TGFA: variants seen among roughly 807,000 people sequenced by gnomAD.
TGFA encodes transforming growth factor alpha, also known as protransforming growth factor alpha.
Under a neutral mutation model 21.7 loss-of-function variants are expected in TGFA, and 12 were observed. The ratio of observed to expected loss-of-function variants is 0.55; its 90% CI spans 0.35 to 0.90. The LOEUF is 0.90. Among genes scored for constraint, TGFA ranks in the 40% least tolerant of loss-of-function variants. The probability of loss-of-function intolerance (pLI) is 0.01; values close to 1 mark genes in which losing one functional copy is unlikely to be tolerated. For synonymous variants in TGFA, 79 were observed against 88.1 expected (o/e 0.90, Z 0.58); for missense variants, 178 against 210.8 (o/e 0.84, Z 0.96).
intron 2 of TGFA, among the ~76,000 whole-genome samples, chr2:70,493,984 T>C (rs1388795887): frequency 6.6e-6 from 1 of 152,240 alleles, no homozygotes; most frequent in African/African-American, 2.4e-5. Flanking sequence ...TTATCTCACA[T>C]TTCTGGATGT....
rs1415624753 is a variant in TGFA, at chr2:70,449,234, GGAA to G, written c.*1622_*1624del. On this transcript the variant is annotated 3_prime_UTR_variant, in exon 6 of 6. Transcript: ENST00000295400. ...CATAGAAATTGTTCTTCCAGACCAA[GGAA>G]GAAGAATTAGGGGAAGACAAAATTC... 1 of 152,048 alleles carries G rather than the reference GGAA, an allele frequency of 6.6e-6. No homozygotes were observed. The highest frequency in any genetic ancestry group is 1.5e-5 in the Non-Finnish European group (1 of 68,004). 9.4% of individuals were successfully genotyped at this position (152,048 alleles called of 1,614,324 possible).
rs139913902 is a variant in TGFA, at chr2:70,506,036, A to G, written c.94+8823T>C. The stretch of plus-strand genomic sequence containing the variant: ...GTAAATAACCAGATGCTCCAGGTCA[A>G]TCTCTGAACTCAGAAGCCAGGAGTT... On this transcript the variant is annotated intron_variant, in intron 2 of 5. Coordinates refer to ENST00000295400, the MANE Select transcript of TGFA (RefSeq NM_003236.4). Among the ~76,000 whole-genome samples, 122 of 152,338 alleles carry G rather than the reference A, an allele frequency of 8.0e-4. 1 individual carries two copies. The highest frequency in any genetic ancestry group is 2.5e-3 in the African/African-American group (102 of 41,562).
chr2:70,506,333 G>T lies in TGFA; in HGVS notation c.94+8526C>A, dbSNP rs1440981517. Among the ~76,000 whole-genome samples the T allele has an allele frequency of 2.6e-5, 4 of 152,306 alleles. No individual in the cohort carries two copies. The South Asian group carries it at 8.3e-4, about 32-fold the overall frequency. ...GATGGAGAAGTGCTGTCACCTTCTG[G>T]TGAGAGTATCTCAGCCTACAAGGGC... On this transcript the variant is annotated intron_variant, in intron 2 of 5. Transcript: ENST00000295400.
At chr2:70,506,762 G>A (rs1416004964) in intron 2 of TGFA, among the ~76,000 whole-genome samples, 1 of 152,160 alleles carries the variant, frequency 6.6e-6, no homozygotes, top group Non-Finnish European at 1.5e-5. Context: ...GCACAGAGAG[G>A]TTAAGTATCT....
intron 2 of TGFA, among the ~76,000 whole-genome samples, chr2:70,499,623 A>G (rs1671679179): frequency 1.3e-5 from 2 of 152,248 alleles, no homozygotes; most frequent in Non-Finnish European, 2.9e-5. Flanking sequence ...TCGTTTCTTT[A>G]TAAAGAAATA....
chr2:70,495,320 C>A (rs1553498199), intron 2 of TGFA, among the ~76,000 whole-genome samples: 1 of 152,128 alleles, frequency 6.6e-6, no homozygotes, highest in African/African-American at 2.4e-5. Flanking sequence ...TTAATTATTT[C>A]AGTGTTTTAA....
At chr2:70,513,655 A>G (rs1162098437) in intron 2 of TGFA, among the ~76,000 whole-genome samples, 1 of 152,220 alleles carries the variant, frequency 6.6e-6, no homozygotes, top group Admixed American at 6.5e-5. Flanking sequence ...AGTGGTACCC[A>G]GTGGGACTGG....
intron 2 of TGFA, among the ~76,000 whole-genome samples, chr2:70,471,304 C>T (rs782475461): frequency 7.9e-5 from 12 of 152,268 alleles, no homozygotes; most frequent in Admixed American, 7.8e-4. Flanking sequence ...GGATGTGATT[C>T]ACACTTGAGA....
intron 1 of TGFA, among the ~76,000 whole-genome samples, chr2:70,534,145 G>C (rs1672903453): frequency 6.6e-6 from 1 of 152,214 alleles, no homozygotes; most frequent in Non-Finnish European, 1.5e-5. Flanking sequence ...TTACATACAA[G>C]TAAAAGAGCA....
chr2:70,526,323 G>T (rs1672633374), intron 1 of TGFA, among the ~76,000 whole-genome samples: 1 of 152,188 alleles, frequency 6.6e-6, no homozygotes, highest in Non-Finnish European at 1.5e-5. Flanking sequence ...TTTTATAGTG[G>T]TGGGGTTCCA....
intron 1 of TGFA, 193 bp downstream of exon 1, chr2:70,553,535 G>C: frequency 7.3e-7 from 1 of 1,376,226 alleles, no homozygotes; most frequent in South Asian, 1.8e-5. Context: ...AAGCCTCGGC[G>C]CTCGACCGGA....
intron 2 of TGFA, among the ~76,000 whole-genome samples, chr2:70,501,804 T>C (rs1366370525): frequency 6.6e-6 from 1 of 152,238 alleles, no homozygotes; most frequent in East Asian, 1.9e-4. Flanking sequence ...CGCTAACTTT[T>C]CTCACATAAA....
At chr2:70,544,953 G>A (rs1673246106) in intron 1 of TGFA, among the ~76,000 whole-genome samples, 1 of 152,074 alleles carries the variant, frequency 6.6e-6, no homozygotes, top group Non-Finnish European at 1.5e-5. Flanking sequence ...GTATTTGATA[G>A]CAGAACAGAG....
chr2:70,456,402 G>A lies in TGFA; in HGVS notation c.302C>T (p.Thr101Ile). Residue 101 changes from threonine to isoleucine, a missense_variant, in exon 4 of 6, where the codon ACC (threonine) becomes ATC (isoleucine). Transcript: ENST00000295400. ...VAASQKKQAI[T>I]ALVVVSIVAL... ...CACGATGGAGACCACCACCAAGGCG[G>A]TGATGGCCTGCTTCTTCTGGCTGGC... is the stretch of plus-strand genomic sequence containing the variant. 6.3e-7 allele frequency: 1 copy of A among 1,588,800 alleles called. No homozygotes were observed. Among genetic ancestry groups the A allele is most frequent in the African/African-American group, 1.3e-5 (1 of 74,414 alleles).
At chr2:70,521,609 G>GTTGGTTTTTTTTTTTTTTTTTT (rs1432347684) in intron 1 of TGFA, among the ~76,000 whole-genome samples, 2 of 78,876 alleles carry the variant, frequency 2.5e-5, no homozygotes, top group African/African-American at 9.9e-5. Context: ...TTTTGTTGTT[G>GTTGGTTTTTTTTTTTTTTTTTT]TTTGTTTGTT....
At chr2:70,509,912 T>G (rs544287726) in intron 2 of TGFA, among the ~76,000 whole-genome samples, 2 of 152,332 alleles carry the variant, frequency 1.3e-5, no homozygotes, top group East Asian at 3.9e-4. Flanking sequence ...AAGTGTCTTT[T>G]GAAGATAGGT....
intron 1 of TGFA, among the ~76,000 whole-genome samples, chr2:70,525,573 G>A (rs17005817): frequency 0.013 from 1,944 of 152,270 alleles, 50 homozygotes; most frequent in African/African-American, 0.044. Context: ...ACTGCAAACT[G>A]GCAGAATCTC....
At chr2:70,523,025 A>G (rs76824556) in intron 1 of TGFA, among the ~76,000 whole-genome samples, 2,950 of 152,250 alleles carry the variant, frequency 0.019, 92 homozygotes, top group African/African-American at 0.068. Flanking sequence ...TTCTATTTAA[A>G]TGATATTAAA....
At chr2:70,552,554 G>C (rs1673543556) in intron 1 of TGFA, among the ~76,000 whole-genome samples, 1 of 152,196 alleles carries the variant, frequency 6.6e-6, no homozygotes, top group Admixed American at 6.5e-5. Context: ...TAAGGGTGTA[G>C]CTGGGAGCAT....
Sources: gnomAD v4.1 joint callset for allele counts (sites outside exome capture counted in the v4.1 genomes callset) on GRCh38, gnomAD v4.1.1 for gene constraint, MANE v1.5 for transcripts, NCBI Gene and HGNC (gene_info 2026-07-23, HGNC 2026-07-21) for gene names.